Variants in MOSPD2 observed in about 807,000 individuals in gnomAD.
MOSPD2 encodes motile sperm domain-containing protein 2.
A neutral mutation model predicts 41.7 loss-of-function variants in MOSPD2; 5 were observed. The observed-to-expected ratio is 0.12, with a 90% CI of 0.06 to 0.25. The LOEUF is 0.25. Among genes scored for constraint, MOSPD2 ranks in the 10% least tolerant of loss-of-function variants. The pLI is 1.00. For synonymous variants in MOSPD2, 115 were observed against 126.9 expected (o/e 0.91, Z 0.63); for missense variants, 282 against 375.2 (o/e 0.75, Z 2.05).
At chrX:14,886,801 A>C (rs978849304) in intron 2 of MOSPD2, among the ~76,000 whole-genome samples, 1 of 111,452 alleles carries the variant, frequency 9.0e-6, no homozygotes, top group African/African-American at 3.3e-5. Flanking sequence ...CAGTAATTTC[A>C]GTTTTAATAA....
At chrX:14,905,304 A>G (rs1053693382) in intron 7 of MOSPD2, among the ~76,000 whole-genome samples, 4 of 110,682 alleles carry the variant, frequency 3.6e-5, no homozygotes, top group African/African-American at 1.3e-4. Flanking sequence ...CAAGCCTTAC[A>G]TAAATGAAAA....
chrX:14,900,427 C>G, intron 5 of MOSPD2, 148 bp from the exon 6 acceptor site: 1 of 295,889 alleles, frequency 3.4e-6, no homozygotes, highest in Non-Finnish European at 6.1e-6. Context: ...AACCTTAATC[C>G]TTGAGAATAT....
intron 10 of MOSPD2, among the ~76,000 whole-genome samples, chrX:14,913,296 T>G (rs911938456): frequency 4.5e-5 from 5 of 112,028 alleles, no homozygotes; most frequent in Non-Finnish European, 7.5e-5. Flanking sequence ...TGTTACATCA[T>G]AGGTCCTTGC....
chrX:14,905,733 C>G (rs2092580925), intron 7 of MOSPD2, among the ~76,000 whole-genome samples: 1 of 110,753 alleles, frequency 9.0e-6, no homozygotes, highest in African/African-American at 3.3e-5. Flanking sequence ...CTCAAGTGCT[C>G]TGCCTGCCCC....
chrX:14,921,049 T>TA lies in MOSPD2; in HGVS notation c.*1241dup, dbSNP rs2092608767. Reference sequence around the variant, plus strand: ...CGGTATTCCTAAAATCCTAAAAAGATACACCTTGCAGTAGCAGAGGCAATG... The same window carrying TA: ...CGGTATTCCTAAAATCCTAAAAAGATAACACCTTGCAGTAGCAGAGGCAATG... On this transcript the variant is annotated 3_prime_UTR_variant, in exon 15 of 15. Transcript: ENST00000380492. 1.3e-6 allele frequency: 1 copy of TA among 771,673 alleles called. No individual in the cohort carries two copies. The highest frequency in any genetic ancestry group is 2.3e-5 in the African/African-American group (1 of 44,102). 63.6% of individuals were successfully genotyped at this position (771,673 alleles called of 1,213,427 possible).
chrX:14,916,158 G>T (rs2092599896), intron 12 of MOSPD2, 39 bp from the exon 13 acceptor site: 1 of 1,209,685 alleles, frequency 8.3e-7, no homozygotes, highest in East Asian at 3.0e-5. Context: ...CGCTTTGAAG[G>T]TTCCTGTTTA....
At chrX:14,873,992 GGTTAA>G (rs2092513794) in intron 2 of MOSPD2, 2 of 408,236 alleles carry the variant, frequency 4.9e-6, no homozygotes, top group Admixed American at 8.4e-5. Flanking sequence ...GTTGGAAATC[GGTTAA>G]GTTTTTAGCA....
chrX:14,898,021 G>C (rs1049352938), intron 5 of MOSPD2, among the ~76,000 whole-genome samples: 1 of 111,861 alleles, frequency 8.9e-6, no homozygotes, highest in African/African-American at 3.3e-5. Context: ...AATTCCATTT[G>C]GCAAATTATG....
Position 14,912,432 on chromosome X carries a change from T to A in MOSPD2, c.992+71T>A, listed in dbSNP as rs182637186. 1.5e-5 allele frequency: 10 copies of A among 658,337 alleles called. No individual in the cohort carries two copies. In the East Asian group the frequency reaches 3.8e-4, roughly 25 times the overall value. The allele number at this position is 658,337 out of a possible 1,213,427, so 54.3% of individuals were successfully genotyped here. ...GATCACCTTGAGGGAGCCACAAAAT[T>A]AAGAAAACTTCTATTTGGTTTTTGA... On this transcript the variant is annotated intron_variant, in intron 10 of 14. Coordinates refer to ENST00000380492, the MANE Select transcript of MOSPD2 (RefSeq NM_152581.4).
chrX:14,888,195 TACACACACACGCACACACACACACAC>T (rs1293582185), intron 2 of MOSPD2, among the ~76,000 whole-genome samples: 26 of 88,749 alleles, frequency 2.9e-4, no homozygotes, highest in Non-Finnish European at 4.7e-4. Flanking sequence ...GGAGAATATA[TACACACACACGCACACACACACACAC>T]ACACACACAC....
chrX:14,912,516 G>C (rs1385995341), intron 10 of MOSPD2, among the ~76,000 whole-genome samples, 155 bp downstream of exon 10: 1 of 111,869 alleles, frequency 8.9e-6, no homozygotes, highest in African/African-American at 3.2e-5. Flanking sequence ...TCCAGACGTA[G>C]TGCATATGTT....
chrX:14,886,724 G>A (rs2092542249), intron 2 of MOSPD2, among the ~76,000 whole-genome samples: 1 of 111,818 alleles, frequency 8.9e-6, no homozygotes, highest in South Asian at 3.7e-4. Flanking sequence ...TCAGCAGTAT[G>A]TAGGAACTGG....
At chrX:14,899,565 T>TACACACACAC (rs59555716) in intron 5 of MOSPD2, among the ~76,000 whole-genome samples, 6,077 of 80,917 alleles carry the variant, frequency 0.075, 298 homozygotes, top group Non-Finnish European at 0.11. Flanking sequence ...ATTATATACA[T>TACACACACAC]ACACACACAC....
chrX:14,908,699 C>G (rs753060724), intron 7 of MOSPD2, among the ~76,000 whole-genome samples, 161 bp from the exon 8 acceptor site: 1 of 111,775 alleles, frequency 8.9e-6, no homozygotes, highest in South Asian at 3.7e-4. Flanking sequence ...ATGTAAACGC[C>G]TACAGAAATT....
intron 13 of MOSPD2, among the ~76,000 whole-genome samples, chrX:14,917,401 A>T (rs1376162849): frequency 9.0e-6 from 1 of 111,698 alleles, no homozygotes; most frequent in Non-Finnish European, 1.9e-5. Context: ...ATGGTGAGAG[A>T]TGGGGACAGA....
chrX:14,906,770 A>G (rs2092582883), intron 7 of MOSPD2, among the ~76,000 whole-genome samples: 1 of 112,180 alleles, frequency 8.9e-6, no homozygotes, highest in African/African-American at 3.2e-5. Context: ...CACGCCTGTA[A>G]TCCTAGCACT....
In MOSPD2 at chrX:14,903,002, A is replaced by G. The variant is rs772139976; in HGVS notation, c.575A>G (p.Asn192Ser). 1 of 1,127,031 alleles carries G rather than the reference A, an allele frequency of 8.9e-7. No homozygotes were observed. The highest frequency in any genetic ancestry group is 1.2e-6 in the Non-Finnish European group (1 of 820,671). The allele number at this position is 1,127,031 out of a possible 1,213,427, so 92.9% of individuals were successfully genotyped here. A position where few individuals can be genotyped will look rare whatever the true frequency, so the allele number is the denominator to read the frequency against. Residue 192 changes from asparagine (N) to serine (S), a missense_variant and splice_region_variant, in exon 7 of 15, where the codon AAT (asparagine) becomes AGT (serine). By Grantham distance (46) the Asn-to-Ser change is conservative (BLOSUM62 1). Coordinates refer to ENST00000380492, the MANE Select transcript of MOSPD2 (RefSeq NM_152581.4). ...IVIFDMPWLM[N>S]AAFKIVKTWL... ...ATCTTTGATATGCCTTGGTTAATGA[A>G]TGGTGAGTATATTTATACTTTCTTA...
Position 14,911,292 on chromosome X carries a change from T to C in MOSPD2, c.758T>C (p.Leu253Pro). 8.3e-7 allele frequency: 1 copy of C among 1,203,965 alleles called. No homozygotes were observed. Among genetic ancestry groups the C allele is most frequent in the Non-Finnish European group, 1.1e-6 (1 of 889,788 alleles). Reference sequence around the variant, plus strand: ...GTAGATGATGACTTCCAGACCCCACTGTGTGAGAATGGGCCTATTACCAGT... The same window carrying C: ...GTAGATGATGACTTCCAGACCCCACCGTGTGAGAATGGGCCTATTACCAGT... ...PLVDDDFQTP[L>P]CENGPITSED... Residue 253 changes from leucine to proline, a missense_variant, in exon 9 of 15, where the codon CTG becomes CCG. Leu to Pro is a moderately conservative substitution (Grantham distance 98). Around this residue, in one of 3 missense-constraint regions of MOSPD2, gnomAD observed 187 missense variants for 256.6 expected, o/e 0.73. Coordinates refer to ENST00000380492, the MANE Select transcript of MOSPD2 (RefSeq NM_152581.4).
chrX:14,898,476 A>G (rs1429019419), intron 5 of MOSPD2, among the ~76,000 whole-genome samples: 4 of 111,643 alleles, frequency 3.6e-5, no homozygotes, highest in African/African-American at 1.3e-4. Context: ...AATTTTTTTC[A>G]TGTTTCTATT....
Sources: gnomAD v4.1 joint callset for allele counts (sites outside exome capture counted in the v4.1 genomes callset) on GRCh38, gnomAD v4.1.1 for gene constraint, gnomAD v4.1.1 regional missense constraint, MANE v1.5 for transcripts, NCBI Gene and HGNC (gene_info 2026-07-23, HGNC 2026-07-21) for gene names.